Variants in IFITM10 observed in about 807,000 individuals in gnomAD.
IFITM10 encodes the protein interferon-induced transmembrane protein 10.
A neutral mutation model predicts 19.0 loss-of-function variants in IFITM10; 17 were observed. The observed-to-expected ratio is 0.90, with a 90% confidence interval of 0.61 to 1.34. IFITM10 has a LOEUF of 1.34. IFITM10 is among the 40% of genes most tolerant of loss of function. IFITM10 has a pLI of 0.00. For missense variants in IFITM10, 306 were observed against 319.8 expected, an observed-to-expected ratio of 0.96 and a Z score of 0.33; for synonymous variants, 148 against 147.2, an observed-to-expected ratio of 1.01 and a Z score of -0.04.
intron 2 of IFITM10, among the ~76,000 whole-genome samples, chr11:1,740,091 G>A (rs1315508147): frequency 6.6e-6 from 1 of 152,086 alleles, no homozygotes; most frequent in Non-Finnish European, 1.5e-5. Flanking sequence ...CATGAGGTCA[G>A]AAGTTTGAGA....
intron 1 of IFITM10, chr11:1,748,967 C>T (rs1590900532): frequency 5.5e-6 from 5 of 902,068 alleles, no homozygotes; most frequent in Non-Finnish European, 4.1e-6. Context: ...TCTGCAGCCC[C>T]CAGCCCCATC....
At chr11:1,743,621 C>A (rs1845598869) in intron 2 of IFITM10, among the ~76,000 whole-genome samples, 1 of 152,112 alleles carries the variant, frequency 6.6e-6, no homozygotes, top group Non-Finnish European at 1.5e-5. Context: ...AAACCCAACG[C>A]AGAACCCACC....
At position 1,734,868 on chromosome 11, in the gene IFITM10, G is replaced by A; in HGVS notation, c.*412C>T. 1 of 189,540 alleles carries A rather than the reference G, an allele frequency of 5.3e-6. No homozygotes were observed. The highest frequency in any genetic ancestry group is 1.1e-5 in the Non-Finnish European group (1 of 92,456). The allele number at this position is 189,540 out of a possible 1,614,324, so 11.7% of individuals were successfully genotyped here. A position where few individuals can be genotyped will look rare whatever the true frequency, so the allele number is the denominator to read the frequency against. Reference sequence around the variant, plus strand: ...GCTCTGAGCGGGGTCACATCGTGGAGGAGGCAGGGTCGGGGAGCACAGAGT... The same window carrying A: ...GCTCTGAGCGGGGTCACATCGTGGAAGAGGCAGGGTCGGGGAGCACAGAGT... On this transcript the variant is annotated 3_prime_UTR_variant, in exon 3 of 3. Coordinates refer to ENST00000340134, the MANE Select transcript of IFITM10 (RefSeq NM_001170820.4).
chr11:1,736,697 G>A (rs958955170), intron 2 of IFITM10, among the ~76,000 whole-genome samples: 2 of 151,832 alleles, frequency 1.3e-5, no homozygotes. Context: ...ATGGAGTGCA[G>A]TGGGTGGAAT....
Position 1,750,496 on chromosome 11 carries a change from A to G in IFITM10, c.-54T>C. On this transcript the variant is annotated 5_prime_UTR_variant, in exon 1 of 3. Coordinates refer to ENST00000340134, the MANE Select transcript of IFITM10 (RefSeq NM_001170820.4). ...ACTCCTTTCTCCTCTGCCACTCTCA[A>G]CTGGCCTCCTGTGTCTCCGCAACCC... 1.9e-6 allele frequency: 3 copies of G among 1,547,858 alleles called. No homozygotes were observed. Among genetic ancestry groups the G allele is most frequent in the Non-Finnish European group, 1.7e-6 (2 of 1,145,418 alleles).
At chr11:1,747,179 A>G (rs779084810) in intron 2 of IFITM10, among the ~76,000 whole-genome samples, 1 of 152,052 alleles carries the variant, frequency 6.6e-6, no homozygotes, top group Non-Finnish European at 1.5e-5. Context: ...AGAGCTGTGT[A>G]AGCACCTGCC....
At chr11:1,737,958 C>G (rs752633054) in intron 2 of IFITM10, among the ~76,000 whole-genome samples, 3 of 151,890 alleles carry the variant, frequency 2.0e-5, no homozygotes, top group Admixed American at 2.0e-4. Flanking sequence ...GCGGATGGAG[C>G]GGAGGGCAGG....
At chr11:1,750,180 C>T (rs1365876120) in intron 1 of IFITM10, 179 bp downstream of exon 1, 4 of 620,296 alleles carry the variant, frequency 6.4e-6, no homozygotes, top group African/African-American at 2.0e-5. Flanking sequence ...CAGCCTCAGC[C>T]GCCTCCGCTA....
intron 2 of IFITM10, chr11:1,746,414 TAC>T (rs1213091134): frequency 7.6e-6 from 3 of 397,138 alleles, no homozygotes; most frequent in Non-Finnish European, 1.3e-5. Context: ...CACACATAGT[TAC>T]ACTCACAGTA....
At position 1,747,930 on chromosome 11, in the gene IFITM10, C is replaced by A. The variant is rs1368836235; in HGVS notation, c.274G>T (p.Glu92Ter). 2.0e-6 allele frequency: 3 copies of A among 1,478,052 alleles called. No homozygotes were observed. Among genetic ancestry groups the A allele is most frequent in the South Asian group, 1.4e-5 (1 of 73,018 alleles). 91.6% of individuals were successfully genotyped at this position (1,478,052 alleles called of 1,614,324 possible). Reference protein sequence around the residue: ...ALQAPAAPAPEPSASPPMAPT... With the variant: ...ALQAPAAPAP ...GCCATCGGGGGAGAGGCCGAGGGCT[C>A]AGGGGCAGGGGCCGCCGGAGCCTGC... Residue 92 changes from glutamate (E) to a stop codon, truncating the protein, a stop_gained, in exon 2 of 3, where the codon GAG becomes TAG. Transcript: ENST00000340134. LOFTEE classifies it high-confidence loss of function.
Position 1,741,501 on chromosome 11 carries a change from G to A in IFITM10, c.538-6072C>T, listed in dbSNP as rs546016104. On this transcript the variant is annotated intron_variant, in intron 2 of 2. Coordinates refer to ENST00000340134, the MANE Select transcript of IFITM10 (RefSeq NM_001170820.4). ...TGGCTGGGAGTTGGGTGAGTCCATC[G>A]AAGCAAGCAAGGAAGGAAAATGGAA... 3.3e-5 allele frequency among the ~76,000 whole-genome samples: 5 copies of A among 152,206 alleles called. No individual in the cohort carries two copies. The East Asian group carries it at 5.8e-4, about 18-fold the overall frequency.
At chr11:1,737,316 C>T (rs554137395) in intron 2 of IFITM10, among the ~76,000 whole-genome samples, 17 of 152,320 alleles carry the variant, frequency 1.1e-4, no homozygotes, top group African/African-American at 3.4e-4. Flanking sequence ...TAACTGACCA[C>T]GTGTTCTTAA....
At chr11:1,741,434 TAGAGGAGAGGGA>T (rs1419964891) in intron 2 of IFITM10, among the ~76,000 whole-genome samples, 1 of 149,924 alleles carries the variant, frequency 6.7e-6, no homozygotes, top group Non-Finnish European at 1.5e-5. Context: ...GCTGGGTGGG[TAGAGGAGAGGGA>T]GGAGGAGAGC....
rs1239153064 is a variant in IFITM10, at chr11:1,733,176, G to GC, written c.*2103dup. The GC allele has an allele frequency of 6.6e-6, 1 of 152,414 alleles. No individual in the cohort carries two copies. The highest frequency in any genetic ancestry group is 1.5e-5 in the Non-Finnish European group (1 of 68,242). The allele number at this position is 152,414 out of a possible 1,614,324, so 9.4% of individuals were successfully genotyped here. ...CCAGGCTGCCCACAGTCTCGGCAAGGCTTTCAGCCGCCCCTGGCACTTCTC... is the reference window on the plus strand; with the variant it reads ...CCAGGCTGCCCACAGTCTCGGCAAGGCCTTTCAGCCGCCCCTGGCACTTCTC... On this transcript the variant is annotated 3_prime_UTR_variant, in exon 3 of 3. Transcript: ENST00000340134. The surrounding 1 kb of genome is among the most constrained non-coding windows in gnomAD (Gnocchi z 6.3).
At chr11:1,741,227 T>A (rs1845567352) in intron 2 of IFITM10, among the ~76,000 whole-genome samples, 1 of 151,890 alleles carries the variant, frequency 6.6e-6, no homozygotes, top group Non-Finnish European at 1.5e-5. Context: ...GATGGAGAGC[T>A]GAGCCCTGGA....
chr11:1,746,462 A>G (rs1359875832), intron 2 of IFITM10: 5 of 397,712 alleles, frequency 1.3e-5, no homozygotes, highest in Non-Finnish European at 2.2e-5. Flanking sequence ...GAGTACACAC[A>G]TACACTGACA....
chr11:1,749,062 C>G, intron 1 of IFITM10: 1 of 1,142,134 alleles, frequency 8.8e-7, no homozygotes, highest in Non-Finnish European at 1.1e-6. Context: ...AGCCTCGGTG[C>G]GCGCGTCCTT....
At chr11:1,737,735 TATC>T (rs1274227346) in intron 2 of IFITM10, among the ~76,000 whole-genome samples, 5 of 152,366 alleles carry the variant, frequency 3.3e-5, no homozygotes, top group African/African-American at 1.2e-4. Context: ...ATGCTCATCT[TATC>T]ATTAGAGGTC....
At chr11:1,738,780 G>A (rs1023000558) in intron 2 of IFITM10, among the ~76,000 whole-genome samples, 1 of 152,130 alleles carries the variant, frequency 6.6e-6, no homozygotes, top group Non-Finnish European at 1.5e-5. Context: ...AAGAATGGAG[G>A]CCAGGCATGG....
Sources: gnomAD v4.1 joint callset for allele counts (sites outside exome capture counted in the v4.1 genomes callset) on GRCh38, gnomAD v4.1.1 for gene constraint, Gnocchi (gnomAD v3.1) non-coding constraint, MANE v1.5 for transcripts, NCBI Gene and HGNC (gene_info 2026-07-23, HGNC 2026-07-21) for gene names.